Variants in HSD17B12 observed in about 807,000 individuals in gnomAD.
The protein encoded by HSD17B12 is hydroxysteroid 17-beta dehydrogenase 12.
HSD17B12 carries 32 observed loss-of-function variants against 39.3 expected under a neutral mutation model. That is an observed-to-expected ratio of 0.81 (90% CI 0.61 to 1.09). HSD17B12 has a LOEUF of 1.09. HSD17B12 is among the 50% of genes least tolerant of loss of function. The probability of loss-of-function intolerance (pLI) is 0.00; values close to 1 mark genes in which losing one functional copy is unlikely to be tolerated. For missense variants in HSD17B12, 342 were observed against 382.9 expected, an observed-to-expected ratio of 0.89 and a Z score of 0.89; for synonymous variants, 150 against 146.7, an observed-to-expected ratio of 1.02 and a Z score of -0.16.
chr11:43,823,528 C>T (rs1041874888), intron 6 of HSD17B12, among the ~76,000 whole-genome samples: 4 of 152,080 alleles, frequency 2.6e-5, no homozygotes, highest in Non-Finnish European at 2.9e-5. Flanking sequence ...GCCTCAGCTT[C>T]CCGAAGTGCT....
At chr11:43,623,121 A>G in the HSD17B12 span, among the ~76,000 whole-genome samples, 1 of 152,178 alleles carries the variant, frequency 6.6e-6, no homozygotes, top group South Asian at 2.1e-4. Context: ...CCAATTGGTT[A>G]ACAAAATTCA....
upstream of HSD17B12, among the ~76,000 whole-genome samples, chr11:43,677,696 G>T (rs61883782): frequency 1.8e-5 from 1 of 56,470 alleles, no homozygotes; most frequent in Non-Finnish European, 4.0e-5. Flanking sequence ...ATGTGGTGTT[G>T]GGTTTTTGTC....
At chr11:43,806,332 A>G (rs1260886816) in intron 4 of HSD17B12, 1 of 152,186 alleles carries the variant, frequency 6.6e-6, no homozygotes, top group Non-Finnish European at 1.5e-5. Flanking sequence ...TGATTCCACT[A>G]CTGAGTATAT....
In HSD17B12 at chr11:43,710,304, T is replaced by C. The variant is rs568525100; in HGVS notation, c.160+29317T>C. On this transcript the variant is annotated intron_variant, in intron 1 of 10. Transcript: ENST00000278353. Reference sequence around the variant, plus strand: ...TTTACAGTTAGAGTGATTCTTAAAATTTAGGCACATACAGGACAATTAGAC... The same window carrying C: ...TTTACAGTTAGAGTGATTCTTAAAACTTAGGCACATACAGGACAATTAGAC... 2.6e-5 allele frequency among the ~76,000 whole-genome samples: 4 copies of C among 152,342 alleles called. No homozygotes were observed. The South Asian group carries it at 8.3e-4, about 32-fold the overall frequency.
At chr11:43,775,280 T>C (rs1186745607) in intron 3 of HSD17B12, among the ~76,000 whole-genome samples, 1 of 151,260 alleles carries the variant, frequency 6.6e-6, no homozygotes. Context: ...AACAGAGAGA[T>C]AATACATATA....
At chr11:43,736,408 G>A (rs528807659) in intron 1 of HSD17B12, among the ~76,000 whole-genome samples, 1 of 152,272 alleles carries the variant, frequency 6.6e-6, no homozygotes, top group South Asian at 2.1e-4. Flanking sequence ...GTCTGGTTGG[G>A]TCAAAAGAAG....
chr11:43,680,994 C>T lies in HSD17B12; in HGVS notation c.160+7C>T, dbSNP rs1037785316. The T allele has an allele frequency of 1.3e-6, 2 of 1,583,356 alleles. No individual in the cohort carries two copies. Among genetic ancestry groups the T allele is most frequent in the African/African-American group, 1.3e-5 (1 of 74,314 alleles). On this transcript the variant is annotated splice_region_variant and intron_variant, in intron 1 of 10. Transcript: ENST00000278353. ...GGGCTCGGAGAATGGGCAGGTGAGT[C>T]GGATGCAGCGCCGCGTCCTCGCTCC...
intron 1 of HSD17B12, among the ~76,000 whole-genome samples, chr11:43,697,025 C>T (rs955793845): frequency 5.5e-5 from 8 of 144,500 alleles, no homozygotes; most frequent in Non-Finnish European, 9.1e-5. Flanking sequence ...GGGTGGGAGG[C>T]AAGGGGGAGG....
chr11:43,699,648 G>C (rs566512596), intron 1 of HSD17B12, among the ~76,000 whole-genome samples: 1 of 151,804 alleles, frequency 6.6e-6, no homozygotes, highest in Admixed American at 6.6e-5. Flanking sequence ...CTCTTCTCTT[G>C]TGTTCCTATT....
the HSD17B12 span, among the ~76,000 whole-genome samples, chr11:43,599,348 T>C: frequency 6.6e-6 from 1 of 152,222 alleles, no homozygotes; most frequent in Admixed American, 6.5e-5. Flanking sequence ...TCTCTTTCTC[T>C]CTCATTACCA....
chr11:43,653,262 C>A, the HSD17B12 span, among the ~76,000 whole-genome samples: 1 of 152,108 alleles, frequency 6.6e-6, no homozygotes, highest in Admixed American at 6.5e-5. Context: ...AAAGATGAGT[C>A]TTGTTCCATG....
chr11:43,770,433 A>G (rs1198099671), intron 3 of HSD17B12, among the ~76,000 whole-genome samples: 1 of 152,142 alleles, frequency 6.6e-6, no homozygotes, highest in Non-Finnish European at 1.5e-5. Flanking sequence ...GGCACTGATG[A>G]CATTTAACTC....
intron 9 of HSD17B12, among the ~76,000 whole-genome samples, chr11:43,841,123 G>A (rs1231654771): frequency 2.6e-5 from 4 of 152,106 alleles, no homozygotes; most frequent in Non-Finnish European, 5.9e-5. Flanking sequence ...TTTCCCTGAT[G>A]ATTAGTGATA....
chr11:43,675,120 G>T, the HSD17B12 span, among the ~76,000 whole-genome samples: 2 of 152,162 alleles, frequency 1.3e-5, no homozygotes, highest in African/African-American at 2.4e-5. Context: ...AACAAGAAAA[G>T]TTCACTGTAC....
chr11:43,667,595 A>T, the HSD17B12 span, among the ~76,000 whole-genome samples: 2 of 152,202 alleles, frequency 1.3e-5, no homozygotes, highest in African/African-American at 4.8e-5. Context: ...CATATTTTGG[A>T]ATATTTGCAT....
rs972718490 is a variant in HSD17B12, at chr11:43,812,521, G to A, written c.392-2916G>A. Among the ~76,000 whole-genome samples, 33 of 152,118 alleles carry A rather than the reference G, an allele frequency of 2.2e-4. 1 individual carries two copies. Among genetic ancestry groups the A allele is most frequent in the Non-Finnish European group, 2.9e-5 (2 of 68,020 alleles). On this transcript the variant is annotated intron_variant, in intron 4 of 10. Coordinates refer to ENST00000278353, the MANE Select transcript of HSD17B12 (RefSeq NM_016142.3). ...GCTGGCCATTTGTATGTCTTCTTTT[G>A]AGAAATATCTATCCATATCCTCAGC...
chr11:43,666,608 T>C, the HSD17B12 span, among the ~76,000 whole-genome samples: 1 of 152,174 alleles, frequency 6.6e-6, no homozygotes, highest in Non-Finnish European at 1.5e-5. Context: ...CCTCCCAAAG[T>C]GCTGGCCTAT....
At chr11:43,809,915 G>A (rs1048292572) in intron 4 of HSD17B12, among the ~76,000 whole-genome samples, 3 of 152,184 alleles carry the variant, frequency 2.0e-5, no homozygotes, top group African/African-American at 7.2e-5. Context: ...ACAAATGTTA[G>A]TGAAATATAA....
chr11:43,627,760 A>C, the HSD17B12 span, among the ~76,000 whole-genome samples: 2 of 152,024 alleles, frequency 1.3e-5, no homozygotes, highest in Admixed American at 1.3e-4. Flanking sequence ...ATTCAAATGC[A>C]CTGGCAAAAT....
Sources: allele counts gnomAD v4.1 joint callset (sites outside exome capture counted in the v4.1 genomes callset), GRCh38; gene constraint gnomAD v4.1.1; transcripts MANE v1.5; gene names NCBI Gene and HGNC (gene_info 2026-07-23, HGNC 2026-07-21).